Variants in KIF15 observed in about 807,000 individuals in gnomAD.
KIF15 encodes the protein kinesin-like protein KIF15.
A neutral mutation model predicts 190.6 loss-of-function variants in KIF15; 140 were observed. The ratio of observed to expected loss-of-function variants is 0.73; its 90% CI spans 0.64 to 0.84. The LOEUF (loss-of-function observed/expected upper bound fraction) is 0.84. KIF15 is among the 40% of genes least tolerant of loss of function. The pLI is 0.00. For synonymous variants in KIF15, 528 were observed against 551.3 expected, an observed-to-expected ratio of 0.96 and a Z score of 0.59; for missense variants, 1,372 against 1,584.4, an observed-to-expected ratio of 0.87 and a Z score of 2.28.
rs1398329318 is a variant in KIF15, at chr3:44,826,879, T to C, written c.2786+419T>C. 3.1e-5 allele frequency: 11 copies of C among 357,530 alleles called. No individual in the cohort carries two copies. In the East Asian group the frequency reaches 8.2e-4, roughly 27 times the overall value. 22.1% of individuals were successfully genotyped at this position (357,530 alleles called of 1,614,324 possible). On this transcript the variant is annotated intron_variant, in intron 22 of 34. Transcript: ENST00000326047. ...CCTCTTTCCAGGTTCCTCTCCTTAGTAGTCTCAGTGAATCTTTGGGCCTCG... is the reference window on the plus strand; with the variant it reads ...CCTCTTTCCAGGTTCCTCTCCTTAGCAGTCTCAGTGAATCTTTGGGCCTCG...
At chr3:44,853,985 T>C (rs1165958136), downstream of KIF15, among the ~76,000 whole-genome samples, 1 of 152,174 alleles carries the variant, frequency 6.6e-6, no homozygotes, top group East Asian at 1.9e-4. Flanking sequence ...TGCTTGGAGC[T>C]AGGATGGGAG....
chr3:44,799,472 T>C (rs1575608282), intron 10 of KIF15, among the ~76,000 whole-genome samples: 1 of 152,172 alleles, frequency 6.6e-6, no homozygotes, highest in East Asian at 1.9e-4. Context: ...CTGAGTCCTC[T>C]GACCTGGTTG....
chr3:44,792,075 C>T lies in KIF15; in HGVS notation c.640-2142C>T, dbSNP rs566807857. Among the ~76,000 whole-genome samples the T allele has an allele frequency of 2.0e-3, 309 of 151,894 alleles. 1 individual carries two copies. The highest frequency in any genetic ancestry group is 0.017 in the Middle Eastern group (5 of 294). Reference sequence around the variant, plus strand: ...GTCTCAGTTTGGAGGATCTCTCTCTCTCTCTTGTTTTTTGTAGCTGTATGA... The same window carrying T: ...GTCTCAGTTTGGAGGATCTCTCTCTTTCTCTTGTTTTTTGTAGCTGTATGA... On this transcript the variant is annotated intron_variant, in intron 7 of 34. Transcript: ENST00000326047.
intron 1 of KIF15, among the ~76,000 whole-genome samples, chr3:44,771,301 G>C (rs1705630187): frequency 6.6e-6 from 1 of 152,026 alleles, no homozygotes; most frequent in African/African-American, 2.4e-5. Flanking sequence ...GGACTCCTCG[G>C]AAAAAACAGA....
intron 6 of KIF15, among the ~76,000 whole-genome samples, chr3:44,867,036 C>A (rs1699329892): frequency 6.6e-6 from 1 of 152,238 alleles, no homozygotes; most frequent in African/African-American, 2.4e-5. Flanking sequence ...TCCACTTTGA[C>A]ACATTGCCTC....
chr3:44,816,745 G>T lies in KIF15; in HGVS notation c.2549+1669G>T, dbSNP rs573956371. 7.2e-5 allele frequency among the ~76,000 whole-genome samples: 11 copies of T among 152,274 alleles called. No homozygotes were observed. In the East Asian group the frequency reaches 7.7e-4, roughly 11 times the overall value. ...AGTAGCATGATTTATAATCCTTTGG[G>T]TATATACCCAGTAATGGGATCGGTG... On this transcript the variant is annotated intron_variant, in intron 20 of 34. Coordinates refer to ENST00000326047, the MANE Select transcript of KIF15 (RefSeq NM_020242.3).
chr3:44,784,835 A>AT lies in KIF15; in HGVS notation c.362-3dup, dbSNP rs1575590268. ...ATAAAAATCCAGTGTTTTTTTTTTC[A>AT]TTTTTTTAGGACCATCTGAATCTGA... On this transcript the variant is annotated splice_polypyrimidine_tract_variant and intron_variant, in intron 5 of 34. Transcript: ENST00000326047. 2.7e-5 allele frequency: 37 copies of AT among 1,366,802 alleles called. 1 individual carries two copies. The highest frequency in any genetic ancestry group is 2.0e-4 in the Middle Eastern group (1 of 4,982). The allele number at this position is 1,366,802 out of a possible 1,614,324, so 84.7% of individuals were successfully genotyped here. A position where few individuals can be genotyped will look rare whatever the true frequency, so the allele number is the denominator to read the frequency against.
At chr3:44,791,216 GAA>G (rs200832893) in intron 7 of KIF15, among the ~76,000 whole-genome samples, 1 of 151,536 alleles carries the variant, frequency 6.6e-6, no homozygotes, top group Non-Finnish European at 1.5e-5. Context: ...ATGATTTATT[GAA>G]AAAAACTCTT....
chr3:44,804,965 C>G, intron 14 of KIF15, 62 bp from the exon 15 acceptor site: 1 of 1,520,686 alleles, frequency 6.6e-7, no homozygotes, highest in Admixed American at 2.0e-5. Context: ...GCCTGGGCAA[C>G]ATAGTGAGGC....
At chr3:44,831,071 G>A (rs1698047681) in intron 26 of KIF15, 53 bp downstream of exon 26, 1 of 1,548,388 alleles carries the variant, frequency 6.5e-7, no homozygotes, top group Non-Finnish European at 8.8e-7. Context: ...TTGTCAATAT[G>A]TGTATTTGTG....
At chr3:44,868,601 C>T (rs1216807554) in intron 6 of KIF15, among the ~76,000 whole-genome samples, 4 of 152,192 alleles carry the variant, frequency 2.6e-5, no homozygotes, top group African/African-American at 7.2e-5. Flanking sequence ...AAAGGGCCCT[C>T]ATCAGAACCT....
In KIF15 at chr3:44,829,630, A is replaced by T. The variant is rs1335381561; in HGVS notation, c.2944-341A>T. Among the ~76,000 whole-genome samples, 10 of 131,782 alleles carry T rather than the reference A, an allele frequency of 7.6e-5. 1 individual carries two copies. The highest frequency in any genetic ancestry group is 2.6e-4 in the African/African-American group (9 of 34,248). The allele number at this position is 131,782 out of a possible 152,430, so 86.5% of individuals were successfully genotyped here. On this transcript the variant is annotated intron_variant, in intron 24 of 34. Transcript: ENST00000326047. ...TATATATTATATATGTATATACATT[A>T]TATATGTATATATTATATATGTATA... is the stretch of plus-strand genomic sequence containing the variant.
Position 44,805,927 on chromosome 3 carries a change from A to C in KIF15, c.1912A>C (p.Lys638Gln). ...LNLENLLEATKACKRQEVSQL... is the reference protein window; with the variant it reads ...LNLENLLEATQACKRQEVSQL... ...TCTTGAAAACCTTTTGGAAGCAACA[A>C]AAGCCTGCAAGCGGCAAGAAGTTTC... The change falls in exon 16 of 35, where the codon AAA becomes CAA. Residue 638 changes from lysine to glutamine, a missense_variant. Lys to Gln is a moderately conservative substitution (Grantham distance 53). Coordinates refer to ENST00000326047, the MANE Select transcript of KIF15 (RefSeq NM_020242.3). 6.2e-7 allele frequency: 1 copy of C among 1,614,194 alleles called. No individual in the cohort carries two copies.
intron 7 of KIF15, among the ~76,000 whole-genome samples, chr3:44,789,687 T>A (rs1162462166): frequency 1.2e-5 from 1 of 81,052 alleles, no homozygotes; most frequent in South Asian, 4.0e-4. Context: ...TATATATATA[T>A]ATATAAAATA....
chr3:44,851,541 T>A (rs892679194), intron 32 of KIF15, among the ~76,000 whole-genome samples: 1 of 152,058 alleles, frequency 6.6e-6, no homozygotes, highest in Admixed American at 6.6e-5. Context: ...TTATTCTAAA[T>A]TTTTTTTGTT....
At chr3:44,773,881 T>C (rs2125901462) in intron 1 of KIF15, among the ~76,000 whole-genome samples, 1 of 152,244 alleles carries the variant, frequency 6.6e-6, no homozygotes, top group East Asian at 1.9e-4. Context: ...AAGAGCAGAA[T>C]TTATTAAAAG....
chr3:44,852,640 T>G (rs764498592), intron 34 of KIF15, 33 bp from the exon 35 acceptor site: 8 of 1,504,272 alleles, frequency 5.3e-6, no homozygotes, highest in Non-Finnish European at 7.2e-6. Flanking sequence ...AGAGCCTTAT[T>G]TTTTTTCTTT....
chr3:44,796,921 CT>C (rs1156880319), intron 8 of KIF15, among the ~76,000 whole-genome samples: 2 of 151,966 alleles, frequency 1.3e-5, no homozygotes, highest in Non-Finnish European at 2.9e-5. Context: ...ACTACTCTAG[CT>C]TTTTTTTCCC....
chr3:44,770,953 CTT>C (rs1265561282), intron 1 of KIF15, among the ~76,000 whole-genome samples: 1 of 152,192 alleles, frequency 6.6e-6, no homozygotes, highest in African/African-American at 2.4e-5. Flanking sequence ...CCAGTTAACT[CTT>C]GTTTTGCTTG....
Sources: gnomAD v4.1 joint callset for allele counts (sites outside exome capture counted in the v4.1 genomes callset) on GRCh38, gnomAD v4.1.1 for gene constraint, MANE v1.5 for transcripts, NCBI Gene and HGNC (gene_info 2026-07-23, HGNC 2026-07-21) for gene names.